The following KMT5A variants were observed in gnomAD, a reference collection of about 807,000 sequenced individuals.
KMT5A encodes the protein N-lysine methyltransferase KMT5A.
KMT5A carries 6 observed loss-of-function variants against 40.6 expected under a neutral mutation model. That is an observed-to-expected ratio of 0.15 (90% CI 0.08 to 0.29). KMT5A has a LOEUF of 0.29. Among genes scored for constraint, KMT5A ranks in the 10% least tolerant of loss-of-function variants. The pLI is 1.00. For missense variants in KMT5A, 308 were observed against 459.1 expected (o/e 0.67, Z 3.01); for synonymous variants, 153 against 178.8 (o/e 0.86, Z 1.15).
At chr12:123,392,276 G>A (rs1378759844) in intron 3 of KMT5A, among the ~76,000 whole-genome samples, 1 of 152,152 alleles carries the variant, frequency 6.6e-6, no homozygotes, top group African/African-American at 2.4e-5. Context: ...CTTTAAAATA[G>A]GGCAGTCTAT....
chr12:123,389,681 G>C, intron 2 of KMT5A, 127 bp downstream of exon 2: 1 of 685,080 alleles, frequency 1.5e-6, no homozygotes, highest in Non-Finnish European at 1.8e-6. Flanking sequence ...CGCCTGGCTG[G>C]GAGTGGCGCC....
At chr12:123,386,210 ATTTTTTT>A (rs59509232) in intron 1 of KMT5A, among the ~76,000 whole-genome samples, 5 of 79,838 alleles carry the variant, frequency 6.3e-5, no homozygotes, top group African/African-American at 2.6e-4. Flanking sequence ...TTAGATTTAG[ATTTTTTT>A]TTTTTTTTTT....
At position 123,407,559 on chromosome 12, in the gene KMT5A, C is replaced by T; in HGVS notation, c.915C>T (p.Cys305=). Residue 305 remains cysteine (C), a synonymous_variant, in exon 8 of 8, where the codon TGC becomes TGT. Transcript: ENST00000402868. ...RLINHSKCGN[C]QTKLHDIDGV... ...TCAATCACAGCAAATGTGGGAACTG[C>T]CAAACCAAACTGCACGACATCGACG... is the stretch of plus-strand genomic sequence containing the variant. 1 of 1,613,902 alleles carries T rather than the reference C, an allele frequency of 6.2e-7. No homozygotes were observed.
chr12:123,404,919 T>G lies in KMT5A; in HGVS notation c.693T>G (p.Ile231Met). The G allele has an allele frequency of 6.2e-7, 1 of 1,613,212 alleles. No homozygotes were observed. The highest frequency in any genetic ancestry group is 8.5e-7 in the Non-Finnish European group (1 of 1,179,824). ...DLIDGKGRGV[I>M]ATKQFSRGDF... ...TCGATGGCAAAGGCAGGGGTGTGATTGCCACCAAGCAGTTCTCCCGGGGTG... is the reference window on the plus strand; with the variant it reads ...TCGATGGCAAAGGCAGGGGTGTGATGGCCACCAAGCAGTTCTCCCGGGGTG... The change falls in exon 7 of 8, where the codon ATT becomes ATG. Residue 231 changes from isoleucine to methionine, a missense_variant. Ile to Met is a conservative substitution (Grantham distance 10). Coordinates refer to ENST00000402868, the MANE Select transcript of KMT5A (RefSeq NM_020382.7).
rs527541023 is a variant in KMT5A, at chr12:123,393,166, T to A, written c.290-1881T>A. 4.6e-5 allele frequency among the ~76,000 whole-genome samples: 7 copies of A among 152,338 alleles called. No individual in the cohort carries two copies. The South Asian group carries it at 1.4e-3, about 32-fold the overall frequency. ...GTGCTGGGATTACAGGTGAAGTCAC[T>A]GTGCCCGGCCTAATGTATTTATTTA... On this transcript the variant is annotated intron_variant, in intron 3 of 7. Coordinates refer to ENST00000402868, the MANE Select transcript of KMT5A (RefSeq NM_020382.7).
chr12:123,401,507 T>A (rs940507717), intron 5 of KMT5A, among the ~76,000 whole-genome samples: 1 of 152,078 alleles, frequency 6.6e-6, no homozygotes, highest in Non-Finnish European at 1.5e-5. Flanking sequence ...TCCATTTATG[T>A]TTAAGGTTAA....
At position 123,403,574 on chromosome 12, in the gene KMT5A, C is replaced by A; in HGVS notation, c.599C>A (p.Ser200Tyr). 6.2e-7 allele frequency: 1 copy of A among 1,614,100 alleles called. No individual in the cohort carries two copies. The highest frequency in any genetic ancestry group is 2.2e-5 in the East Asian group (1 of 44,876). ...CTGTTTTTCTTTCTCTCTGCCCAGT[C>A]TGAAGAAAGGAAAAGAATAGATGAA... ...SSRKSKAELQSEERKRIDELI... is the reference protein window; with the variant it reads ...SSRKSKAELQYEERKRIDELI... The change falls in exon 6 of 8, where the codon TCT becomes TAT. Residue 200 changes from serine (S) to tyrosine (Y), a missense_variant and splice_region_variant. Ser to Tyr is a moderately radical substitution (Grantham distance 144, BLOSUM62 -2). Around this residue, in one of 4 missense-constraint regions of KMT5A, gnomAD observed 77 missense variants for 220.0 expected, o/e 0.35. Transcript: ENST00000402868.
intron 6 of KMT5A, among the ~76,000 whole-genome samples, chr12:123,404,053 T>G (rs768891162): frequency 6.6e-6 from 1 of 152,196 alleles, no homozygotes; most frequent in Admixed American, 6.6e-5. Context: ...GCTTTCTGTC[T>G]CAGTGGAGTT....
intron 5 of KMT5A, among the ~76,000 whole-genome samples, chr12:123,400,894 C>T (rs1479583319): frequency 1.3e-5 from 2 of 151,552 alleles, no homozygotes; most frequent in East Asian, 1.9e-4. Context: ...GGCTTACTAA[C>T]CTCCGCCTCC....
chr12:123,384,653 T>C lies in KMT5A; in HGVS notation c.10+445T>C, dbSNP rs1876757468. 6.6e-6 allele frequency among the ~76,000 whole-genome samples: 1 copy of C among 152,218 alleles called. No individual in the cohort carries two copies. The highest frequency in any genetic ancestry group is 2.4e-5 in the African/African-American group (1 of 41,464). ...AGGCGCAGATCGATAACCTGCATAT[T>C]GGGGTGCGCGTCAGGGTGGACACCG... is the stretch of plus-strand genomic sequence containing the variant. On this transcript the variant is annotated intron_variant, in intron 1 of 7. Coordinates refer to ENST00000402868, the MANE Select transcript of KMT5A (RefSeq NM_020382.7). This position sits in a 1 kb window ranked among gnomAD's most constrained non-coding sequence, Gnocchi z 5.7.
At chr12:123,385,925 G>T (rs938795253) in intron 1 of KMT5A, among the ~76,000 whole-genome samples, 1 of 152,042 alleles carries the variant, frequency 6.6e-6, no homozygotes, top group African/African-American at 2.4e-5. Flanking sequence ...TAACTCAATT[G>T]ATCTTTACAA....
At chr12:123,392,049 C>T (rs1189305287) in intron 3 of KMT5A, among the ~76,000 whole-genome samples, 1 of 152,246 alleles carries the variant, frequency 6.6e-6, no homozygotes, top group Non-Finnish European at 1.5e-5. Context: ...GTTCTCTCAT[C>T]TGTAAATGGG....
At chr12:123,390,295 T>C (rs1431527377) in intron 2 of KMT5A, 1 of 386,248 alleles carries the variant, frequency 2.6e-6, no homozygotes, top group African/African-American at 2.1e-5. Context: ...CTCCTAAAGA[T>C]AGCCTAGCTC....
chr12:123,405,624 A>T (rs1283585912), intron 7 of KMT5A, among the ~76,000 whole-genome samples: 1 of 136,894 alleles, frequency 7.3e-6, no homozygotes, highest in Non-Finnish European at 1.5e-5. Flanking sequence ...GGTTCAAGGT[A>T]TTCTGTCTCA....
intron 5 of KMT5A, among the ~76,000 whole-genome samples, chr12:123,402,960 G>A (rs1409886848): frequency 6.6e-6 from 1 of 152,174 alleles, no homozygotes; most frequent in Non-Finnish European, 1.5e-5. Flanking sequence ...CCAGGCTGGA[G>A]TGCAGTAGCA....
chr12:123,395,298 T>A (rs1234041570), intron 4 of KMT5A, 32 bp downstream of exon 4: 7 of 1,594,022 alleles, frequency 4.4e-6, no homozygotes, highest in Non-Finnish European at 6.0e-6. Context: ...CTTCCTAACG[T>A]GGAGCAGTTT....
intron 5 of KMT5A, among the ~76,000 whole-genome samples, chr12:123,400,982 A>G (rs1878110739): frequency 6.7e-6 from 1 of 150,250 alleles, no homozygotes; most frequent in South Asian, 2.1e-4. Flanking sequence ...TTTAGTAGAG[A>G]CAGGGTTTCG....
intron 6 of KMT5A, among the ~76,000 whole-genome samples, 192 bp downstream of exon 6, chr12:123,403,824 AAT>A (rs531722222): frequency 6.6e-6 from 1 of 152,248 alleles, no homozygotes; most frequent in South Asian, 2.1e-4. Context: ...AGGAAACATA[AAT>A]GGGCTTTGTA....
At chr12:123,396,482 C>A in intron 5 of KMT5A, 50 bp downstream of exon 5, 1 of 1,558,724 alleles carries the variant, frequency 6.4e-7, no homozygotes, top group South Asian at 1.1e-5. Context: ...GGTGGCCCAC[C>A]AAGCAGTGCT....
Sources: allele counts gnomAD v4.1 joint callset (sites outside exome capture counted in the v4.1 genomes callset), GRCh38; gene constraint gnomAD v4.1.1; regional missense constraint gnomAD v4.1.1; non-coding constraint Gnocchi (gnomAD v3.1); transcripts MANE v1.5; gene names NCBI Gene and HGNC (gene_info 2026-07-23, HGNC 2026-07-21).